The following PTPN3 variants were observed in gnomAD, a reference collection of about 807,000 sequenced individuals.
PTPN3 encodes the protein tyrosine-protein phosphatase non-receptor type 3.
In PTPN3, 96 loss-of-function variants were observed where a neutral mutation model predicts 132.7. That is an observed-to-expected ratio of 0.72 (90% CI 0.61 to 0.86). The LOEUF (loss-of-function observed/expected upper bound fraction) is 0.86, where lower values mean the gene tolerates loss of function less well. Among genes scored for constraint, PTPN3 ranks in the 40% least tolerant of loss-of-function variants. PTPN3 has a pLI of 0.00. For synonymous variants in PTPN3, 398 were observed against 429.0 expected (o/e 0.93, Z 0.89); for missense variants, 1,125 against 1,159.6 (o/e 0.97, Z 0.43).
intron 5 of PTPN3, chr9:109,449,991 T>G: frequency 1.0e-6 from 1 of 983,684 alleles, no homozygotes; most frequent in Non-Finnish European, 1.2e-6. Context: ...GGTACCACTA[T>G]CTCCATTTTT....
chr9:109,419,898 C>T (rs1371544876), intron 14 of PTPN3, among the ~76,000 whole-genome samples: 1 of 152,110 alleles, frequency 6.6e-6, no homozygotes, highest in South Asian at 2.1e-4. Context: ...AAAAATTTAA[C>T]AAAAAATTTC....
Position 109,489,709 on chromosome 9 carries a change from C to T in PTPN3, c.-18+8510G>A, listed in dbSNP as rs542795315. On this transcript the variant is annotated intron_variant, in intron 1 of 25. Transcript: ENST00000374541. Reference sequence around the variant, plus strand: ...ACGCCCAGCCTGATGAGTCTCACCCCTCATCAAACATTCCATTTGCCTCTC... The same window carrying T: ...ACGCCCAGCCTGATGAGTCTCACCCTTCATCAAACATTCCATTTGCCTCTC... Among the ~76,000 whole-genome samples, 4 of 152,180 alleles carry T rather than the reference C, an allele frequency of 2.6e-5. No individual in the cohort carries two copies. In the South Asian group the frequency reaches 6.2e-4, roughly 24 times the overall value.
the PTPN3 span, chr9:109,532,789 GATGA>G: frequency 1.8e-6 from 1 of 554,458 alleles, no homozygotes; most frequent in Non-Finnish European, 2.6e-6. Context: ...CTTCTTGTTG[GATGA>G]CTACACCGGT....
chr9:109,506,042 C>T, the PTPN3 span, among the ~76,000 whole-genome samples: 2 of 152,108 alleles, frequency 1.3e-5, no homozygotes, highest in African/African-American at 2.4e-5. Context: ...TGAGCCACTG[C>T]GCCCGGCCCA....
At chr9:109,494,801 C>T (rs770055231) in intron 1 of PTPN3, among the ~76,000 whole-genome samples, 6 of 152,098 alleles carry the variant, frequency 3.9e-5, no homozygotes, top group African/African-American at 9.7e-5. Context: ...AGGGGTTCAG[C>T]GTTCACCTCT....
chr9:109,485,225 C>T (rs1847151750), intron 1 of PTPN3, among the ~76,000 whole-genome samples: 3 of 151,552 alleles, frequency 2.0e-5, no homozygotes, highest in South Asian at 2.1e-4. Flanking sequence ...AATAAAAAGT[C>T]GGCCGGGCGC....
chr9:109,396,142 G>A (rs1391819456), intron 19 of PTPN3, among the ~76,000 whole-genome samples: 3 of 152,152 alleles, frequency 2.0e-5, no homozygotes, highest in East Asian at 1.9e-4. Flanking sequence ...GATTACAGCC[G>A]TGAGCCACTG....
chr9:109,492,121 C>T (rs1847489549), intron 1 of PTPN3, among the ~76,000 whole-genome samples: 1 of 152,198 alleles, frequency 6.6e-6, no homozygotes, highest in South Asian at 2.1e-4. Flanking sequence ...CTCGGGGGAG[C>T]CAGTGGGGAA....
chr9:109,390,829 A>G (rs1840012643), intron 21 of PTPN3, among the ~76,000 whole-genome samples: 1 of 152,186 alleles, frequency 6.6e-6, no homozygotes, highest in Non-Finnish European at 1.5e-5. Flanking sequence ...ATCACTGGCA[A>G]AAACAAACAC....
chr9:109,485,223 G>C (rs1847151646), intron 1 of PTPN3, among the ~76,000 whole-genome samples: 1 of 151,628 alleles, frequency 6.6e-6, no homozygotes, highest in Admixed American at 6.6e-5. Context: ...AAAATAAAAA[G>C]TCGGCCGGGC....
At chr9:109,442,036 A>AT (rs1261876279) in intron 7 of PTPN3, among the ~76,000 whole-genome samples, 3 of 151,830 alleles carry the variant, frequency 2.0e-5, no homozygotes, top group African/African-American at 7.3e-5. Context: ...TGATCCAGTA[A>AT]TTTCATATAC....
chr9:109,497,609 G>A (rs1040827044), intron 1 of PTPN3, among the ~76,000 whole-genome samples: 3 of 152,146 alleles, frequency 2.0e-5, no homozygotes, highest in African/African-American at 7.2e-5. Flanking sequence ...ATTTCGGGGG[G>A]GCTGGGCACT....
At chr9:109,411,343 T>G (rs1483886011) in intron 14 of PTPN3, among the ~76,000 whole-genome samples, 2 of 152,196 alleles carry the variant, frequency 1.3e-5, no homozygotes, top group African/African-American at 4.8e-5. Context: ...CTGACCGATG[T>G]GCGTCCTAAG....
intron 14 of PTPN3, chr9:109,417,594 G>A: frequency 1.0e-6 from 1 of 984,044 alleles, no homozygotes; most frequent in South Asian, 4.7e-5. Flanking sequence ...CTTACCTGGA[G>A]CAATGGGGGT....
intron 19 of PTPN3, among the ~76,000 whole-genome samples, chr9:109,402,293 T>G (rs571463620): frequency 0.083 from 12,675 of 152,088 alleles, 729 homozygotes; most frequent in Non-Finnish European, 0.12. Context: ...TTCCTTTTTT[T>G]TTTATTTTTA....
chr9:109,531,255 C>G, the PTPN3 span, among the ~76,000 whole-genome samples: 1 of 152,212 alleles, frequency 6.6e-6, no homozygotes, highest in South Asian at 2.1e-4. Flanking sequence ...TAATATCTAG[C>G]TTTTCCCACC....
At chr9:109,475,710 C>T (rs948542319) in intron 1 of PTPN3, among the ~76,000 whole-genome samples, 4 of 152,202 alleles carry the variant, frequency 2.6e-5, no homozygotes, top group Non-Finnish European at 5.9e-5. Context: ...CTGGCCCCCA[C>T]CCCTTTACAG....
the PTPN3 span, chr9:109,533,643 C>G: frequency 1.5e-4 from 224 of 1,498,000 alleles, no homozygotes; most frequent in African/African-American, 2.7e-3. Context: ...ACTGATCTAC[C>G]TTGTTTTCCT....
In PTPN3 at chr9:109,420,492, C is replaced by A; in HGVS notation, c.1245G>T (p.Thr415=). The change falls in exon 14 of 26, where the codon ACG becomes ACT. Residue 415 remains threonine (T), a synonymous_variant. Coordinates refer to ENST00000374541, the MANE Select transcript of PTPN3 (RefSeq NM_002829.4). ...YITETEDVFY[T]YKGSLAPQDS... Reference sequence around the variant, plus strand: ...CTTGAGGGGCCAGAGAGCCCTTGTACGTGTAAAATACATCTTCCGTTTCCG... The same window carrying A: ...CTTGAGGGGCCAGAGAGCCCTTGTAAGTGTAAAATACATCTTCCGTTTCCG... 1 of 1,613,556 alleles carries A rather than the reference C, an allele frequency of 6.2e-7. No homozygotes were observed. The highest frequency in any genetic ancestry group is 8.5e-7 in the Non-Finnish European group (1 of 1,179,812).
Sources: allele counts gnomAD v4.1 joint callset (sites outside exome capture counted in the v4.1 genomes callset), GRCh38; gene constraint gnomAD v4.1.1; transcripts MANE v1.5; gene names NCBI Gene and HGNC (gene_info 2026-07-23, HGNC 2026-07-21).